Variants in NRXN3 observed in about 807,000 individuals in gnomAD.
NRXN3 encodes the protein neurexin III.
In NRXN3, 32 loss-of-function variants were observed where a neutral mutation model predicts 137.6. The ratio of observed to expected loss-of-function variants is 0.23; its 90% CI spans 0.18 to 0.31. The LOEUF is 0.31. NRXN3 is among the 10% of genes least tolerant of loss of function. The pLI, the probability that NRXN3 is intolerant of heterozygous loss-of-function variation, is 1.00. For synonymous variants in NRXN3, 798 were observed against 784.5 expected, an observed-to-expected ratio of 1.02 and a Z score of -0.29; for missense variants, 1,574 against 2,062.5, an observed-to-expected ratio of 0.76 and a Z score of 4.59.
chr14:78,171,767 A>G (rs1301232189), intron 1 of NRXN3, among the ~76,000 whole-genome samples: 1 of 151,202 alleles, frequency 6.6e-6, no homozygotes, highest in Non-Finnish European at 1.5e-5. Flanking sequence ...CCCTTCCTCC[A>G]TTAAATGTCT....
chr14:79,279,426 C>T, intron 15 of NRXN3: 1 of 986,178 alleles, frequency 1.0e-6, no homozygotes, highest in Non-Finnish European at 1.2e-6. Context: ...TCGCAGGCGC[C>T]CGCCCGCCTC....
chr14:78,652,103 G>C (rs1418230177), intron 6 of NRXN3, among the ~76,000 whole-genome samples: 1 of 152,220 alleles, frequency 6.6e-6, no homozygotes, highest in African/African-American at 2.4e-5. Flanking sequence ...GGCTCAATCT[G>C]TTGTTGTGTA....
intron 15 of NRXN3, among the ~76,000 whole-genome samples, chr14:79,110,596 G>A (rs1317199168): frequency 6.6e-6 from 1 of 152,070 alleles, no homozygotes; most frequent in Non-Finnish European, 1.5e-5. Context: ...CTGTTTTGAT[G>A]ACAAGTAATA....
intron 15 of NRXN3, among the ~76,000 whole-genome samples, chr14:79,016,629 G>A (rs1343741181): frequency 1.3e-5 from 2 of 152,154 alleles, no homozygotes; most frequent in African/African-American, 4.8e-5. Flanking sequence ...CAAAAGAAGA[G>A]ATTCCAGATG....
chr14:78,493,147 C>CTGTG (rs1275251215), intron 4 of NRXN3, among the ~76,000 whole-genome samples: 1 of 152,238 alleles, frequency 6.6e-6, no homozygotes, highest in African/African-American at 2.4e-5. Flanking sequence ...TCTGGGGATG[C>CTGTG]TGTGCGTTTT....
At position 79,857,308 on chromosome 14, in the gene NRXN3, G is replaced by A. The variant is rs2099404784; in HGVS notation, c.4094-4034G>A. Among the ~76,000 whole-genome samples, 5 of 152,054 alleles carry A rather than the reference G, an allele frequency of 3.3e-5. No homozygotes were observed. The South Asian group carries it at 1.0e-3, about 32-fold the overall frequency. On this transcript the variant is annotated intron_variant, in intron 20 of 20. Coordinates refer to ENST00000335750, the MANE Select transcript of NRXN3 (RefSeq NM_001330195.2). ...GTGATCTCGGCTCACTGCAAGCTCTGCCTCCCAGGTTCACGCCATTCTCCT... is the reference window on the plus strand; with the variant it reads ...GTGATCTCGGCTCACTGCAAGCTCTACCTCCCAGGTTCACGCCATTCTCCT...
intron 1 of NRXN3, among the ~76,000 whole-genome samples, chr14:78,218,444 C>T (rs1254657588): frequency 6.6e-6 from 1 of 152,100 alleles, no homozygotes; most frequent in Non-Finnish European, 1.5e-5. Flanking sequence ...TGTAGGGGGT[C>T]AAATTTTATT....
chr14:79,634,155 G>A lies in NRXN3; in HGVS notation c.3445-29623G>A, dbSNP rs571235098. ...AGCAAGATACAAGGTAAAACATGTT[G>A]TGGTCAAGTTCAAGGAGAAAACAGG... On this transcript the variant is annotated intron_variant, in intron 16 of 20. Coordinates refer to ENST00000335750, the MANE Select transcript of NRXN3 (RefSeq NM_001330195.2). Among the ~76,000 whole-genome samples the A allele has an allele frequency of 2.0e-5, 3 of 152,330 alleles. No homozygotes were observed. In the South Asian group the frequency reaches 6.2e-4, roughly 32 times the overall value.
intron 16 of NRXN3, among the ~76,000 whole-genome samples, chr14:79,489,201 G>A (rs567540712): frequency 2.2e-4 from 33 of 152,152 alleles, no homozygotes; most frequent in African/African-American, 7.9e-4. Flanking sequence ...CTTGCACCAA[G>A]ATTAAATAAT....
intron 8 of NRXN3, among the ~76,000 whole-genome samples, chr14:78,791,608 T>C (rs1267545329): frequency 6.6e-6 from 1 of 152,076 alleles, no homozygotes; most frequent in Admixed American, 6.6e-5. Flanking sequence ...GAAATGGCTA[T>C]AGGAGAAAAA....
At chr14:78,437,860 T>A (rs1265326261) in intron 4 of NRXN3, among the ~76,000 whole-genome samples, 1 of 152,148 alleles carries the variant, frequency 6.6e-6, no homozygotes, top group Non-Finnish European at 1.5e-5. Flanking sequence ...AATTAAAAAA[T>A]TTAACGGTAA....
At chr14:78,209,366 C>T (rs1217229171) in intron 1 of NRXN3, among the ~76,000 whole-genome samples, 1 of 152,160 alleles carries the variant, frequency 6.6e-6, no homozygotes, top group Non-Finnish European at 1.5e-5. Context: ...GGTCTGCTCT[C>T]AGGGCCGGTG....
At chr14:78,982,594 ACG>A (rs59517545) in intron 14 of NRXN3, among the ~76,000 whole-genome samples, 13,617 of 152,152 alleles carry the variant, frequency 0.089, 621 homozygotes, top group South Asian at 0.13. Flanking sequence ...GGATATTTAC[ACG>A]CAGAAAAATA....
chr14:78,811,031 G>C (rs1452843646), intron 10 of NRXN3, among the ~76,000 whole-genome samples: 2 of 152,148 alleles, frequency 1.3e-5, no homozygotes, highest in African/African-American at 4.8e-5. Context: ...ACATTAGCTT[G>C]AGTCAACATG....
At chr14:78,322,233 G>C (rs908347378) in intron 4 of NRXN3, among the ~76,000 whole-genome samples, 1 of 151,970 alleles carries the variant, frequency 6.6e-6, no homozygotes, top group African/African-American at 2.4e-5. Flanking sequence ...TGGGGAAGAT[G>C]CCTGTCAAAT....
chr14:78,341,383 A>G (rs916024114), intron 4 of NRXN3, among the ~76,000 whole-genome samples: 2 of 152,198 alleles, frequency 1.3e-5, no homozygotes, highest in Non-Finnish European at 2.9e-5. Context: ...GGAATACAAT[A>G]TGAGTAACAA....
chr14:78,998,221 A>G (rs527894335), intron 15 of NRXN3, among the ~76,000 whole-genome samples: 1 of 152,256 alleles, frequency 6.6e-6, no homozygotes, highest in African/African-American at 2.4e-5. Context: ...TTGTTACTCC[A>G]TTTAGGTTGA....
At chr14:78,259,098 CT>C (rs145515235) in intron 2 of NRXN3, among the ~76,000 whole-genome samples, 9,311 of 149,544 alleles carry the variant, frequency 0.062, 556 homozygotes, top group East Asian at 0.27. Flanking sequence ...TGCTACTGCA[CT>C]CCAGCCTGGG....
intron 16 of NRXN3, among the ~76,000 whole-genome samples, chr14:79,495,320 C>T (rs2096755851): frequency 6.6e-6 from 1 of 152,196 alleles, no homozygotes; most frequent in African/African-American, 2.4e-5. Flanking sequence ...TTCCTTTATC[C>T]CTTAGGTACA....
Sources: gnomAD v4.1 joint callset for allele counts (sites outside exome capture counted in the v4.1 genomes callset) on GRCh38, gnomAD v4.1.1 for gene constraint, MANE v1.5 for transcripts, NCBI Gene and HGNC (gene_info 2026-07-23, HGNC 2026-07-21) for gene names.